GALNTL6: variants seen among roughly 807,000 people sequenced by gnomAD.
GALNTL6 encodes polypeptide N-acetylgalactosaminyltransferase like 6, also known as polypeptide N-acetylgalactosaminyltransferase-like 6.
In GALNTL6, 46 loss-of-function variants were observed where a neutral mutation model predicts 73.7. The observed-to-expected ratio is 0.62, with a 90% CI of 0.49 to 0.80. The LOEUF (loss-of-function observed/expected upper bound fraction) is 0.80. Ranked by LOEUF, GALNTL6 falls within the 30% of genes least tolerant of loss-of-function variation. The pLI is 0.00. For synonymous variants in GALNTL6, 259 were observed against 263.7 expected, an observed-to-expected ratio of 0.98 and a Z score of 0.17; for missense variants, 604 against 755.0, an observed-to-expected ratio of 0.80 and a Z score of 2.34.
At chr4:173,015,601 T>C (rs1375440404) in intron 11 of GALNTL6, among the ~76,000 whole-genome samples, 3 of 152,228 alleles carry the variant, frequency 2.0e-5, no homozygotes, top group Non-Finnish European at 4.4e-5. Flanking sequence ...ATTTTGCCCC[T>C]GCCCTAGAGA....
intron 12 of GALNTL6, among the ~76,000 whole-genome samples, chr4:173,031,529 AAATTCACTG>A (rs1412757267): frequency 6.6e-6 from 1 of 152,184 alleles, no homozygotes; most frequent in Non-Finnish European, 1.5e-5. Flanking sequence ...TACTTAATTC[AAATTCACTG>A]AATGAATGAA....
intron 5 of GALNTL6, among the ~76,000 whole-genome samples, chr4:172,695,422 A>G (rs1299896917): frequency 6.6e-6 from 1 of 152,208 alleles, no homozygotes; most frequent in Non-Finnish European, 1.5e-5. Context: ...TCTTTCTATC[A>G]TAGATCTTGA....
At chr4:171,916,161 G>A (rs919502719) in intron 2 of GALNTL6, among the ~76,000 whole-genome samples, 3 of 151,588 alleles carry the variant, frequency 2.0e-5, no homozygotes, top group Admixed American at 2.0e-4. Flanking sequence ...TAGATTTGTT[G>A]AGATAGATAT....
At chr4:172,000,459 G>A (rs1740642118) in intron 2 of GALNTL6, among the ~76,000 whole-genome samples, 1 of 152,064 alleles carries the variant, frequency 6.6e-6, no homozygotes, top group African/African-American at 2.4e-5. Flanking sequence ...TGTGGGTTAA[G>A]CATTGCCTTT....
intron 2 of GALNTL6, among the ~76,000 whole-genome samples, chr4:171,915,898 C>G (rs28450988): frequency 0.23 from 34,872 of 151,850 alleles, 4,145 homozygotes; most frequent in Middle Eastern, 0.3. Context: ...CACCTTAATT[C>G]TCGAAACCCA....
Position 172,854,812 on chromosome 4 carries a change from C to T in GALNTL6, c.924-27978C>T, listed in dbSNP as rs1364119686. 5.9e-5 allele frequency among the ~76,000 whole-genome samples: 9 copies of T among 152,204 alleles called. No homozygotes were observed. In the East Asian group the frequency reaches 9.6e-4, roughly 16 times the overall value. On this transcript the variant is annotated intron_variant, in intron 7 of 12. Transcript: ENST00000506823. ...TGAGTTATATGCCTCTCCAAGTCAT[C>T]GCAACTAGACGGTAAACTCTTTAAA...
At chr4:172,326,971 C>A (rs1421641201) in intron 4 of GALNTL6, among the ~76,000 whole-genome samples, 2 of 151,728 alleles carry the variant, frequency 1.3e-5, no homozygotes, top group African/African-American at 4.8e-5. Flanking sequence ...CCAGTTCTGG[C>A]CTTTATGCTA....
At chr4:172,487,657 G>A (rs1466234242) in intron 5 of GALNTL6, among the ~76,000 whole-genome samples, 3 of 151,910 alleles carry the variant, frequency 2.0e-5, no homozygotes, top group Non-Finnish European at 4.4e-5. Context: ...CAAAGTGCTG[G>A]GATTACAGGT....
At chr4:172,371,302 T>C (rs1034816700) in intron 5 of GALNTL6, among the ~76,000 whole-genome samples, 2 of 152,202 alleles carry the variant, frequency 1.3e-5, no homozygotes, top group Admixed American at 1.3e-4. Flanking sequence ...AAGATTTAGA[T>C]CCCCTGTTAG....
At chr4:172,497,986 CA>C (rs1734121943) in intron 5 of GALNTL6, among the ~76,000 whole-genome samples, 1 of 102,222 alleles carries the variant, frequency 9.8e-6, no homozygotes, top group South Asian at 3.2e-4. Context: ...GGGAATGTCA[CA>C]TTTCTTTTTT....
At chr4:171,856,484 A>G (rs1216236182) in intron 2 of GALNTL6, among the ~76,000 whole-genome samples, 1 of 152,160 alleles carries the variant, frequency 6.6e-6, no homozygotes, top group Non-Finnish European at 1.5e-5. Context: ...TGTCGTATCT[A>G]AAAAATCACC....
intron 2 of GALNTL6, among the ~76,000 whole-genome samples, chr4:172,120,462 T>TC (rs1198829978): frequency 3.3e-5 from 5 of 152,120 alleles, no homozygotes; most frequent in Non-Finnish European, 4.4e-5. Flanking sequence ...CCCTTTTTTT[T>TC]CTCATATAAC....
intron 9 of GALNTL6, among the ~76,000 whole-genome samples, chr4:172,933,058 T>A (rs1419537021): frequency 1.3e-5 from 2 of 152,194 alleles, no homozygotes; most frequent in Non-Finnish European, 2.9e-5. Flanking sequence ...TATGGTTTGA[T>A]TTAGTCATAA....
chr4:172,093,295 T>A (rs935269875), intron 2 of GALNTL6, among the ~76,000 whole-genome samples: 1 of 152,204 alleles, frequency 6.6e-6, no homozygotes, highest in African/African-American at 2.4e-5. Context: ...TTTTTCCCCC[T>A]ACTGCTTATA....
intron 5 of GALNTL6, among the ~76,000 whole-genome samples, chr4:172,559,057 G>A (rs1736248206): frequency 2.5e-5 from 1 of 40,500 alleles, no homozygotes; most frequent in African/African-American, 8.8e-5. Context: ...AATGATAATG[G>A]ATTTTTTTTT....
At chr4:172,364,780 G>A (rs1742496483) in intron 5 of GALNTL6, among the ~76,000 whole-genome samples, 1 of 152,158 alleles carries the variant, frequency 6.6e-6, no homozygotes, top group South Asian at 2.1e-4. Context: ...GATACAGTAA[G>A]AATGCTCAAC....
intron 2 of GALNTL6, among the ~76,000 whole-genome samples, chr4:172,115,774 A>G (rs1005103774): frequency 4.6e-5 from 7 of 152,132 alleles, no homozygotes; most frequent in Non-Finnish European, 8.8e-5. Context: ...ATTTTATAAT[A>G]TAAATAAAAT....
intron 2 of GALNTL6, among the ~76,000 whole-genome samples, chr4:171,863,476 A>G (rs1193665130): frequency 6.6e-6 from 1 of 152,208 alleles, no homozygotes; most frequent in Non-Finnish European, 1.5e-5. Context: ...TCTTTAAAAT[A>G]GCTAAGACAT....
At chr4:172,134,645 A>T (rs1733590013) in intron 2 of GALNTL6, among the ~76,000 whole-genome samples, 1 of 152,206 alleles carries the variant, frequency 6.6e-6, no homozygotes, top group Admixed American at 6.5e-5. Context: ...AGAAAAGTTG[A>T]AATCTGGAGT....
Sources: gnomAD v4.1 joint callset for allele counts (sites outside exome capture counted in the v4.1 genomes callset) on GRCh38, gnomAD v4.1.1 for gene constraint, MANE v1.5 for transcripts, NCBI Gene and HGNC (gene_info 2026-07-23, HGNC 2026-07-21) for gene names.